CSMD1: variants seen among roughly 807,000 people sequenced by gnomAD.
CSMD1 encodes CUB and sushi domain-containing protein 1.
A neutral mutation model predicts 417.5 loss-of-function variants in CSMD1; 213 were observed. The observed-to-expected ratio is 0.51, with a 90% CI of 0.46 to 0.57. The LOEUF (loss-of-function observed/expected upper bound fraction) is 0.57. CSMD1 is among the 20% of genes least tolerant of loss of function. The pLI, the probability that CSMD1 is intolerant of heterozygous loss-of-function variation, is 0.00. For missense variants in CSMD1, 6,923 were observed against 4,529.7 expected, an observed-to-expected ratio of 1.53 and a Z score of -15.17; for synonymous variants, 2,862 against 1,736.8, an observed-to-expected ratio of 1.65 and a Z score of -16.11.
Position 4,637,372 on chromosome 8 carries a change from C to A in CSMD1, c.272G>T (p.Gly91Val). ...EDFDILSVYDGQPQQGNLKVR... is the reference protein window; with the variant it reads ...EDFDILSVYDVQPQQGNLKVR... ...TTTTAAATTCCCTTGTTGAGGCTGT[C>A]CATCGTAAACTGATAAAATATCAAA... is the stretch of plus-strand genomic sequence containing the variant. Residue 91 changes from glycine to valine, a missense_variant, in exon 2 of 70, where the codon GGA becomes GTA. Coordinates refer to ENST00000635120, the MANE Select transcript of CSMD1 (RefSeq NM_033225.6). 1 of 1,613,874 alleles carries A rather than the reference C, an allele frequency of 6.2e-7. No individual in the cohort carries two copies. The highest frequency in any genetic ancestry group is 8.5e-7 in the Non-Finnish European group (1 of 1,179,796).
rs551884797 is a variant in CSMD1, at chr8:3,323,022, C to A, written c.3632-14519G>T. Among the ~76,000 whole-genome samples the A allele has an allele frequency of 3.3e-5, 5 of 152,136 alleles. 1 individual carries two copies. Among genetic ancestry groups the A allele is most frequent in the Admixed American group, 2.6e-4 (4 of 15,278 alleles). On this transcript the variant is annotated intron_variant, in intron 23 of 69. Coordinates refer to ENST00000635120, the MANE Select transcript of CSMD1 (RefSeq NM_033225.6). ...CTAAACCTCACAGTCATGGTTTATT[C>A]CTTTCTTCATCTCATTTACAATTCA...
At chr8:4,607,698 G>A (rs141609270) in intron 2 of CSMD1, among the ~76,000 whole-genome samples, 5 of 152,184 alleles carry the variant, frequency 3.3e-5, no homozygotes, top group African/African-American at 7.2e-5. Flanking sequence ...AGCAATCTTC[G>A]TGAGTATTCC....
At chr8:4,587,345 G>A (rs1409255611) in intron 2 of CSMD1, among the ~76,000 whole-genome samples, 1 of 152,040 alleles carries the variant, frequency 6.6e-6, no homozygotes, top group African/African-American at 2.4e-5. Flanking sequence ...AAAACTGTGA[G>A]CTTTTCAAAG....
intron 1 of CSMD1, among the ~76,000 whole-genome samples, chr8:4,889,950 T>C (rs1349100713): frequency 6.6e-6 from 1 of 152,146 alleles, no homozygotes; most frequent in South Asian, 2.1e-4. Context: ...CCAGAATGTA[T>C]GACCTTTCAA....
chr8:3,169,656 G>C (rs1820457637), intron 37 of CSMD1, among the ~76,000 whole-genome samples: 1 of 152,172 alleles, frequency 6.6e-6, no homozygotes, highest in Non-Finnish European at 1.5e-5. Context: ...ATGATGTCAT[G>C]TTATTTATAT....
intron 5 of CSMD1, among the ~76,000 whole-genome samples, chr8:3,920,871 T>C (rs1424947840): frequency 1.3e-5 from 2 of 152,182 alleles, no homozygotes; most frequent in East Asian, 3.9e-4. Flanking sequence ...GAATTCATTT[T>C]GCTAGTGTTT....
In CSMD1 at chr8:2,967,742, G is replaced by A. The variant is rs113883096; in HGVS notation, c.8924-996C>T. 3.4e-4 allele frequency among the ~76,000 whole-genome samples: 52 copies of A among 152,188 alleles called. 1 individual carries two copies. The highest frequency in any genetic ancestry group is 1.2e-3 in the African/African-American group (51 of 41,538). ...ATTTAATTGAAACAATTTCAAATCT[G>A]GCCTGGAGAACAAAGATATATTTTT... is the stretch of plus-strand genomic sequence containing the variant. On this transcript the variant is annotated intron_variant, in intron 57 of 69. Transcript: ENST00000635120.
At chr8:3,367,425 T>G (rs1175902957) in intron 19 of CSMD1, among the ~76,000 whole-genome samples, 178 bp from the exon 20 acceptor site, 2 of 145,806 alleles carry the variant, frequency 1.4e-5, no homozygotes, top group African/African-American at 5.1e-5. Flanking sequence ...GAGACAGAGA[T>G]GATAAAGAGA....
At chr8:4,412,776 C>G (rs992706275) in intron 3 of CSMD1, among the ~76,000 whole-genome samples, 1 of 152,126 alleles carries the variant, frequency 6.6e-6, no homozygotes, top group South Asian at 2.1e-4. Flanking sequence ...GATACCTATA[C>G]TGATATGACA....
intron 1 of CSMD1, among the ~76,000 whole-genome samples, chr8:4,793,229 G>T (rs11779902): frequency 0.52 from 78,656 of 151,860 alleles, 22,268 homozygotes; most frequent in Admixed American, 0.7. Context: ...ATGATCATGA[G>T]TTAGTTTTCC....
At chr8:3,879,956 G>A (rs562521261) in intron 5 of CSMD1, among the ~76,000 whole-genome samples, 2 of 152,156 alleles carry the variant, frequency 1.3e-5, no homozygotes, top group South Asian at 4.2e-4. Flanking sequence ...ATATTTATTT[G>A]ATGGGTTAGA....
chr8:3,548,326 A>G (rs771122386), intron 10 of CSMD1, among the ~76,000 whole-genome samples: 6 of 152,078 alleles, frequency 3.9e-5, no homozygotes, highest in Non-Finnish European at 7.4e-5. Context: ...GTAATTGGGG[A>G]ACAGGTGGTA....
chr8:4,811,878 T>C (rs944826178), intron 1 of CSMD1, among the ~76,000 whole-genome samples: 5 of 152,132 alleles, frequency 3.3e-5, no homozygotes, highest in African/African-American at 1.2e-4. Flanking sequence ...CTGCCTCAAA[T>C]CATAGAACTG....
At chr8:3,223,090 T>A (rs1464265659) in intron 28 of CSMD1, among the ~76,000 whole-genome samples, 1 of 152,228 alleles carries the variant, frequency 6.6e-6, no homozygotes, top group African/African-American at 2.4e-5. Context: ...TTAGAAAACA[T>A]CTTTGGATTC....
At chr8:4,810,908 G>T (rs1266999202) in intron 1 of CSMD1, among the ~76,000 whole-genome samples, 1 of 152,078 alleles carries the variant, frequency 6.6e-6, no homozygotes, top group East Asian at 1.9e-4. Flanking sequence ...AAAATTAACT[G>T]CTACCTCTCC....
intron 49 of CSMD1, among the ~76,000 whole-genome samples, chr8:3,065,630 T>TGATAGGA (rs1291081750): frequency 1.3e-5 from 2 of 152,110 alleles, no homozygotes; most frequent in Non-Finnish European, 2.9e-5. Flanking sequence ...GATAGGAAGA[T>TGATAGGA]AGATTGATAG....
chr8:3,037,333 G>A (rs1810756234), intron 50 of CSMD1, among the ~76,000 whole-genome samples: 1 of 142,026 alleles, frequency 7.0e-6, no homozygotes. Flanking sequence ...AGCCTCCCGA[G>A]TAGCTGGGAC....
intron 5 of CSMD1, among the ~76,000 whole-genome samples, chr8:3,995,667 C>T (rs1045935160): frequency 5.9e-5 from 9 of 152,160 alleles, no homozygotes; most frequent in Non-Finnish European, 8.8e-5. Context: ...TTTAAATCTA[C>T]AATAATAAAG....
At chr8:3,466,682 G>C (rs1563066372) in intron 12 of CSMD1, among the ~76,000 whole-genome samples, 1 of 150,890 alleles carries the variant, frequency 6.6e-6, no homozygotes. Flanking sequence ...GCCTGCCTTG[G>C]TCTCCCAAAG....
Sources: allele counts gnomAD v4.1 joint callset (sites outside exome capture counted in the v4.1 genomes callset), GRCh38; gene constraint gnomAD v4.1.1; transcripts MANE v1.5; gene names NCBI Gene and HGNC (gene_info 2026-07-23, HGNC 2026-07-21).